Variants in NNMT observed in about 807,000 individuals in gnomAD.
NNMT encodes the protein nicotinamide N-methyltransferase.
A neutral mutation model predicts 11.7 loss-of-function variants in NNMT; 10 were observed. That is an observed-to-expected ratio of 0.85 (90% CI 0.53 to 1.45). The LOEUF is 1.45. NNMT is among the 40% of genes most tolerant of loss of function. The pLI is 0.00. For missense variants in NNMT, 381 were observed against 319.4 expected (o/e 1.19, Z -1.47); for synonymous variants, 143 against 133.8 (o/e 1.07, Z -0.48).
At chr11:114,308,882 C>T (rs925391006) in intron 2 of NNMT, among the ~76,000 whole-genome samples, 1 of 152,166 alleles carries the variant, frequency 6.6e-6, no homozygotes, top group African/African-American at 2.4e-5. Context: ...TAGCAAATTT[C>T]CCTCTCAAAT....
intron 2 of NNMT, among the ~76,000 whole-genome samples, chr11:114,278,303 T>C (rs1486819897): frequency 6.6e-6 from 1 of 152,104 alleles, no homozygotes; most frequent in Non-Finnish European, 1.5e-5. Context: ...GCTCACTCGT[T>C]ACTGTGAGGA....
chr11:114,295,185 T>C (rs933619564), upstream of NNMT, among the ~76,000 whole-genome samples: 2 of 152,184 alleles, frequency 1.3e-5, no homozygotes, highest in African/African-American at 4.8e-5. Flanking sequence ...GTAAATCAAT[T>C]ATTCAGCATT....
At chr11:114,270,236 G>A (rs2135247094) in intron 2 of NNMT, 1 of 152,170 alleles carries the variant, frequency 6.6e-6, no homozygotes, top group African/African-American at 2.4e-5. Context: ...TCTATTTTTA[G>A]ATTAGAGCAT....
chr11:114,309,287 A>G (rs968792364), intron 2 of NNMT, among the ~76,000 whole-genome samples: 2 of 152,316 alleles, frequency 1.3e-5, no homozygotes. Context: ...AAAGTGTTCT[A>G]TGAAAACTTC....
At chr11:114,310,293 T>C (rs1945537941) in intron 2 of NNMT, among the ~76,000 whole-genome samples, 1 of 152,218 alleles carries the variant, frequency 6.6e-6, no homozygotes, top group Admixed American at 6.5e-5. Flanking sequence ...TTTTTTATTA[T>C]AGCCGTCATA....
chr11:114,301,410 C>T (rs1945438330), intron 2 of NNMT, among the ~76,000 whole-genome samples: 1 of 152,086 alleles, frequency 6.6e-6, no homozygotes, highest in African/African-American at 2.4e-5. Context: ...AACTGTGGTA[C>T]ATTTAGACAA....
rs569367126 is a variant in NNMT, at chr11:114,296,489, G to C, written c.-68G>C. The C allele has an allele frequency of 3.9e-6, 6 of 1,549,688 alleles. No homozygotes were observed. In the African/African-American group the frequency reaches 8.2e-5, roughly 21 times the overall value. On this transcript the variant is annotated 5_prime_UTR_variant, in exon 1 of 3. Transcript: ENST00000299964. Reference sequence around the variant, plus strand: ...AGACTCAGGAAGACAACTTCTGCAGGGTCACTCCCTGGCTTCTGGAGGAAA... The same window carrying C: ...AGACTCAGGAAGACAACTTCTGCAGCGTCACTCCCTGGCTTCTGGAGGAAA...
Position 114,312,505 on chromosome 11 carries a change from C to A in NNMT, c.*28C>A. 4 of 1,595,244 alleles carry A rather than the reference C, an allele frequency of 2.5e-6. No individual in the cohort carries two copies. Among genetic ancestry groups the A allele is most frequent in the Non-Finnish European group, 3.4e-6 (4 of 1,169,334 alleles). ...CCTGTGACCTCAATTAAAGCAATTCCTTTGACCTGTCCAGTTGACTTTAGT... is the reference window on the plus strand; with the variant it reads ...CCTGTGACCTCAATTAAAGCAATTCATTTGACCTGTCCAGTTGACTTTAGT... On this transcript the variant is annotated 3_prime_UTR_variant, in exon 3 of 3. Transcript: ENST00000299964.
At chr11:114,265,728 A>G (rs897167288) in intron 2 of NNMT, among the ~76,000 whole-genome samples, 3 of 152,112 alleles carry the variant, frequency 2.0e-5, no homozygotes, top group African/African-American at 4.8e-5. Context: ...TGGCAATTCA[A>G]TTTCTCCGAA....
chr11:114,260,158 C>T (rs990004237), intron 1 of NNMT, among the ~76,000 whole-genome samples: 13 of 152,306 alleles, frequency 8.5e-5, no homozygotes, highest in African/African-American at 1.7e-4. Context: ...TGGGATGAGA[C>T]GCTGAGCGCT....
At chr11:114,272,947 A>G (rs78994045) in intron 2 of NNMT, among the ~76,000 whole-genome samples, 1 of 152,328 alleles carries the variant, frequency 6.6e-6, no homozygotes, top group African/African-American at 2.4e-5. Flanking sequence ...AAAACAAATG[A>G]GCAGGGAGCA....
intron 2 of NNMT, among the ~76,000 whole-genome samples, chr11:114,288,243 T>C (rs1023919798): frequency 2.0e-5 from 3 of 152,186 alleles, no homozygotes; most frequent in Non-Finnish European, 4.4e-5. Context: ...CTGTCCAGGA[T>C]GTTGAATGAA....
intron 2 of NNMT, among the ~76,000 whole-genome samples, chr11:114,273,564 G>T (rs905680992): frequency 1.3e-5 from 2 of 152,202 alleles, no homozygotes; most frequent in African/African-American, 4.8e-5. Context: ...TTAAGGCCAG[G>T]TGCGGTGGCT....
chr11:114,276,381 C>T (rs1171689310), intron 2 of NNMT, among the ~76,000 whole-genome samples: 5 of 152,166 alleles, frequency 3.3e-5, no homozygotes, highest in East Asian at 1.9e-4. Context: ...CTCTGTGGCC[C>T]GGCGAAGGGA....
At chr11:114,271,877 A>T (rs1945172809) in intron 2 of NNMT, among the ~76,000 whole-genome samples, 1 of 152,176 alleles carries the variant, frequency 6.6e-6, no homozygotes, top group Admixed American at 6.5e-5. Flanking sequence ...AAGAGAGTGC[A>T]GTACAGTGGA....
intron 2 of NNMT, among the ~76,000 whole-genome samples, chr11:114,276,452 C>G (rs754993477): frequency 1.2e-4 from 19 of 152,152 alleles, no homozygotes; most frequent in Non-Finnish European, 2.6e-4. Flanking sequence ...CAGATGCCAT[C>G]CTGCTACCTC....
chr11:114,300,707 C>A (rs890907012), intron 2 of NNMT, among the ~76,000 whole-genome samples: 10 of 152,150 alleles, frequency 6.6e-5, no homozygotes, highest in Non-Finnish European at 1.5e-4. Context: ...GTTTTTAGCT[C>A]TGTTATATAC....
intron 1 of NNMT, 149 bp from the exon 2 acceptor site, chr11:114,297,801 TA>T (rs35418671): frequency 7.3e-6 from 5 of 689,144 alleles, no homozygotes; most frequent in Non-Finnish European, 9.9e-6. Flanking sequence ...AAAGATGTTT[TA>T]AAAAAACATT....
At position 114,312,511 on chromosome 11, in the gene NNMT, C is replaced by T. The variant is rs1453018678; in HGVS notation, c.*34C>T. The T allele has an allele frequency of 1.3e-6, 2 of 1,587,190 alleles. No individual in the cohort carries two copies. The highest frequency in any genetic ancestry group is 1.7e-6 in the Non-Finnish European group (2 of 1,164,782). ...ACCTCAATTAAAGCAATTCCTTTGA[C>T]CTGTCCAGTTGACTTTAGTCCTTGT... is the stretch of plus-strand genomic sequence containing the variant. On this transcript the variant is annotated 3_prime_UTR_variant, in exon 3 of 3. Transcript: ENST00000299964.
Sources: gnomAD v4.1 joint callset for allele counts (sites outside exome capture counted in the v4.1 genomes callset) on GRCh38, gnomAD v4.1.1 for gene constraint, MANE v1.5 for transcripts, NCBI Gene and HGNC (gene_info 2026-07-23, HGNC 2026-07-21) for gene names.